Variants in SGSH observed in about 807,000 individuals in gnomAD.
SGSH encodes N-sulfoglucosamine sulfohydrolase.
A neutral mutation model predicts 51.0 loss-of-function variants in SGSH; 48 were observed. That is an observed-to-expected ratio of 0.94 (90% CI 0.75 to 1.20). The LOEUF (loss-of-function observed/expected upper bound fraction) is 1.20. Among genes scored for constraint, SGSH ranks in the 50% most tolerant of loss-of-function variants. The pLI, the probability that SGSH is intolerant of heterozygous loss-of-function variation, is 0.00. For missense variants in SGSH, 662 were observed against 717.8 expected, an observed-to-expected ratio of 0.92 and a Z score of 0.89; for synonymous variants, 321 against 313.4, an observed-to-expected ratio of 1.02 and a Z score of -0.26.
intron 2 of SGSH, chr17:80,216,706 TTACA>T (rs145988284): frequency 0.039 from 14,985 of 388,566 alleles, 365 homozygotes; most frequent in Non-Finnish European, 0.053. Flanking sequence ...CACTAAGTGT[TTACA>T]TACAAAGCAT....
At position 80,214,152 on chromosome 17, in the gene SGSH, C is replaced by T. The variant is rs773805076; in HGVS notation, c.663+20G>A. The T allele has an allele frequency of 2.9e-5, 46 of 1,599,542 alleles. No individual in the cohort carries two copies. The Admixed American group carries it at 7.9e-4, about 28-fold the overall frequency. On this transcript the variant is annotated intron_variant, in intron 5 of 7. Coordinates refer to ENST00000326317, the MANE Select transcript of SGSH (RefSeq NM_000199.5). The stretch of plus-strand genomic sequence containing the variant: ...CCCAGGGCTGACGGGCGTCCTGAAA[C>T]ACAGGAGGGGCCGTCCTACCAGCAC...
chr17:80,204,216 C>T (rs767976234), downstream of SGSH: 8 of 1,576,922 alleles, frequency 5.1e-6, no homozygotes, highest in Admixed American at 5.2e-5. Flanking sequence ...CTTTCTCTGT[C>T]CCTCCTTTAG....
In SGSH at chr17:80,212,390, A is replaced by C; in HGVS notation, c.746-116T>G. The C allele has an allele frequency of 3.4e-6, 3 of 881,318 alleles. No homozygotes were observed. Among genetic ancestry groups the C allele is most frequent in the Non-Finnish European group, 5.5e-6 (3 of 546,256 alleles). The allele number at this position is 881,318 out of a possible 1,614,324, so 54.6% of individuals were successfully genotyped here. A position where few individuals can be genotyped will look rare whatever the true frequency, so the allele number is the denominator to read the frequency against. ...GCCGCTGGGCTCCAGCGCTTTCCGG[A>C]TTCGAAAGCACCCTGTAGTTCTTCC... On this transcript the variant is annotated intron_variant, in intron 6 of 7. Coordinates refer to ENST00000326317, the MANE Select transcript of SGSH (RefSeq NM_000199.5). The surrounding 1 kb of genome is among the most constrained non-coding windows in gnomAD (Gnocchi z 5.9).
downstream of SGSH, chr17:80,202,369 C>A (rs772887668): frequency 2.5e-6 from 4 of 1,613,406 alleles, no homozygotes; most frequent in East Asian, 8.9e-5. Context: ...CGCGTGAACT[C>A]TTACACCATG....
chr17:80,215,774 A>C (rs1029081053), intron 2 of SGSH, among the ~76,000 whole-genome samples: 5 of 151,764 alleles, frequency 3.3e-5, no homozygotes, highest in Non-Finnish European at 7.4e-5. Flanking sequence ...AGCCGAGATC[A>C]CACCACTGCA....
chr17:80,216,672 G>A (rs1195022345), intron 2 of SGSH: 7 of 290,326 alleles, frequency 2.4e-5, no homozygotes, highest in Non-Finnish European at 4.7e-5. Context: ...GGCGGTTCAC[G>A]CTGAGTGAGC....
downstream of SGSH, chr17:80,204,196 C>T (rs1291673466): frequency 1.3e-6 from 2 of 1,557,208 alleles, no homozygotes; most frequent in South Asian, 2.4e-5. Flanking sequence ...TTCAACAGCT[C>T]CTCCTCATCC....
At chr17:80,202,241 C>T, downstream of SGSH, 2 of 1,614,054 alleles carry the variant, frequency 1.2e-6, no homozygotes, top group Non-Finnish European at 1.7e-6. Context: ...ACTCATTCTA[C>T]ATCCGGGTCA....
In SGSH at chr17:80,217,210, CAG is replaced by C. The variant is rs1467638240; in HGVS notation, c.89-20_89-19del. Reference sequence around the variant, plus strand: ...GTCATCCGCTGCGTGAGGTGGGAGACAGAGAGTGCACGGTCGGCTGCGGTCAC... The same window carrying C: ...GTCATCCGCTGCGTGAGGTGGGAGACAGAGTGCACGGTCGGCTGCGGTCAC... On this transcript the variant is annotated intron_variant, in intron 1 of 7. Transcript: ENST00000326317. 5.7e-6 allele frequency: 9 copies of C among 1,592,650 alleles called. No individual in the cohort carries two copies. In the African/African-American group the frequency reaches 1.1e-4, roughly 19 times the overall value.
At chr17:80,204,214 G>A (rs759790048), downstream of SGSH, 3 of 1,575,370 alleles carry the variant, frequency 1.9e-6, no homozygotes, top group African/African-American at 1.4e-5. Flanking sequence ...TCCTTTCTCT[G>A]TCCCTCCTTT....
downstream of SGSH, chr17:80,204,079 A>T: frequency 1.2e-6 from 1 of 860,512 alleles, no homozygotes; most frequent in Non-Finnish European, 1.8e-6. Flanking sequence ...CTCTTGCACA[A>T]GTGCAGACAC....
downstream of SGSH, chr17:80,202,284 C>A: frequency 6.2e-7 from 1 of 1,613,896 alleles, no homozygotes; most frequent in South Asian, 1.1e-5. Flanking sequence ...CAAAGGGGAG[C>A]TGCAGGTGCA....
downstream of SGSH, chr17:80,202,226 G>C: frequency 9.3e-6 from 15 of 1,613,966 alleles, no homozygotes; most frequent in Non-Finnish European, 1.3e-5. Flanking sequence ...TGGCGACCTC[G>C]GGGGACTCAT....
downstream of SGSH, among the ~76,000 whole-genome samples, chr17:80,206,271 C>G (rs2041297901): frequency 8.2e-6 from 1 of 121,700 alleles, no homozygotes; most frequent in African/African-American, 2.8e-5. Flanking sequence ...TCAAGACCAG[C>G]CTGAGCAACA....
chr17:80,219,161 C>CAAAAAA (rs11430982), intron 1 of SGSH, among the ~76,000 whole-genome samples: 3 of 54,230 alleles, frequency 5.5e-5, no homozygotes, highest in Non-Finnish European at 9.6e-5. Flanking sequence ...CCCTGTCTCA[C>CAAAAAA]AAAAAAAAAA....
downstream of SGSH, among the ~76,000 whole-genome samples, chr17:80,207,848 C>T (rs7222024): frequency 0.48 from 72,390 of 151,480 alleles, 18,609 homozygotes; most frequent in Non-Finnish European, 0.58. Flanking sequence ...ACAATCTAAT[C>T]CTTGTCGGCT....
At chr17:80,204,021 A>C (rs961764549), downstream of SGSH, 145 of 807,252 alleles carry the variant, frequency 1.8e-4, no homozygotes, top group Non-Finnish European at 2.6e-4. Context: ...TCTCCTCTGC[A>C]CCCCTTCAAA....
downstream of SGSH, chr17:80,202,090 C>T: frequency 8.1e-7 from 1 of 1,230,564 alleles, no homozygotes; most frequent in Non-Finnish European, 1.2e-6. Context: ...TGGGAGGGTC[C>T]TTCCTTCTCT....
At chr17:80,219,620 G>T (rs2042055258) in intron 1 of SGSH, 2 of 152,352 alleles carry the variant, frequency 1.3e-5, no homozygotes, top group African/African-American at 4.8e-5. Context: ...GAAGGGGAAA[G>T]AATCGCAGGC....
Sources: allele counts gnomAD v4.1 joint callset (sites outside exome capture counted in the v4.1 genomes callset), GRCh38; gene constraint gnomAD v4.1.1; non-coding constraint Gnocchi (gnomAD v3.1); transcripts MANE v1.5; gene names NCBI Gene and HGNC (gene_info 2026-07-23, HGNC 2026-07-21).